The following TCERG1L variants were observed in gnomAD, a reference collection of about 807,000 sequenced individuals.
TCERG1L encodes transcription elongation regulator 1 like.
TCERG1L carries 37 observed loss-of-function variants against 56.3 expected under a neutral mutation model. The ratio of observed to expected loss-of-function variants is 0.66; its 90% CI spans 0.51 to 0.87. The LOEUF is 0.87. Among genes scored for constraint, TCERG1L ranks in the 40% least tolerant of loss-of-function variants. The pLI is 0.00. For synonymous variants in TCERG1L, 324 were observed against 326.3 expected (o/e 0.99, Z 0.08); for missense variants, 799 against 774.2 (o/e 1.03, Z -0.38).
At chr10:131,093,638 C>T (rs1216875502) in intron 11 of TCERG1L, among the ~76,000 whole-genome samples, 1 of 152,208 alleles carries the variant, frequency 6.6e-6, no homozygotes, top group Non-Finnish European at 1.5e-5. Flanking sequence ...CACAGCTTTG[C>T]TGGCCAGGTC....
chr10:131,188,523 A>G (rs1318436472), intron 4 of TCERG1L, among the ~76,000 whole-genome samples: 1 of 152,248 alleles, frequency 6.6e-6, no homozygotes, highest in Non-Finnish European at 1.5e-5. Flanking sequence ...AGTATAGCAG[A>G]AAGAAATCCT....
intron 4 of TCERG1L, among the ~76,000 whole-genome samples, chr10:131,203,188 T>C (rs10829946): frequency 0.61 from 91,780 of 151,474 alleles, 27,967 homozygotes; most frequent in Admixed American, 0.67. Flanking sequence ...TGCGTATACC[T>C]GTCTTCAGCC....
chr10:131,270,133 T>C (rs1846326000), intron 3 of TCERG1L, among the ~76,000 whole-genome samples: 1 of 152,156 alleles, frequency 6.6e-6, no homozygotes, highest in Admixed American at 6.5e-5. Context: ...CAGTCAGACA[T>C]TTATGAAGCC....
intron 6 of TCERG1L, among the ~76,000 whole-genome samples, chr10:131,147,066 A>G (rs933249847): frequency 6.6e-6 from 1 of 151,968 alleles, no homozygotes; most frequent in Admixed American, 6.6e-5. Flanking sequence ...GCGGCTCCCT[A>G]CACTTCCCCA....
At chr10:131,262,896 A>C (rs1205802642) in intron 3 of TCERG1L, among the ~76,000 whole-genome samples, 1 of 151,994 alleles carries the variant, frequency 6.6e-6, no homozygotes, top group Non-Finnish European at 1.5e-5. Flanking sequence ...CCTTTTCCAG[A>C]AGGCCATTCA....
At chr10:131,129,238 T>A (rs952803570) in intron 8 of TCERG1L, among the ~76,000 whole-genome samples, 9 of 152,242 alleles carry the variant, frequency 5.9e-5, no homozygotes, top group Non-Finnish European at 1.2e-4. Flanking sequence ...CAAGGAAATT[T>A]AAACCATGGC....
At chr10:131,287,314 TG>T in intron 3 of TCERG1L, among the ~76,000 whole-genome samples, 1 of 152,240 alleles carries the variant, frequency 6.6e-6, no homozygotes, top group East Asian at 1.9e-4. Context: ...ACAGTGATTC[TG>T]TATCCTATCT....
chr10:131,260,191 T>G lies in TCERG1L; in HGVS notation c.856+68A>C, dbSNP rs1347815048. 11 of 1,271,700 alleles carry G rather than the reference T, an allele frequency of 8.6e-6. No individual in the cohort carries two copies. The highest frequency in any genetic ancestry group is 1.1e-5 in the Non-Finnish European group (11 of 1,007,388). The allele number at this position is 1,271,700 out of a possible 1,614,324, so 78.8% of individuals were successfully genotyped here. A position where few individuals can be genotyped will look rare whatever the true frequency, so the allele number is the denominator to read the frequency against. On this transcript the variant is annotated intron_variant, in intron 4 of 11. Transcript: ENST00000368642. The surrounding 1 kb of genome is among the most constrained non-coding windows in gnomAD (Gnocchi z 5.8). ...AGCGCCTGGGCCCAGGCCAGGGGCATCTAACCAGGAAGCCTCCGCGCGCTC... is the reference window on the plus strand; with the variant it reads ...AGCGCCTGGGCCCAGGCCAGGGGCAGCTAACCAGGAAGCCTCCGCGCGCTC...
At chr10:131,155,081 G>C (rs1422434279) in intron 6 of TCERG1L, among the ~76,000 whole-genome samples, 1 of 152,156 alleles carries the variant, frequency 6.6e-6, no homozygotes, top group Admixed American at 6.5e-5. Context: ...GAGGTAAAAA[G>C]ACACGAGGAA....
intron 4 of TCERG1L, among the ~76,000 whole-genome samples, chr10:131,194,961 A>T (rs780198405): frequency 6.6e-6 from 1 of 152,188 alleles, no homozygotes; most frequent in East Asian, 1.9e-4. Flanking sequence ...GCTGATACAC[A>T]TGTGCCACTA....
At chr10:131,104,640 G>A (rs576509085) in intron 9 of TCERG1L, among the ~76,000 whole-genome samples, 11 of 152,154 alleles carry the variant, frequency 7.2e-5, no homozygotes, top group Admixed American at 1.3e-4. Context: ...CTGTGGAGGC[G>A]TGGCATTCTG....
At chr10:131,280,658 C>T (rs2944522) in intron 3 of TCERG1L, among the ~76,000 whole-genome samples, 87,390 of 151,910 alleles carry the variant, frequency 0.58, 25,425 homozygotes, top group East Asian at 0.77. Flanking sequence ...TTTCCTTTCA[C>T]GTTTCAATAT....
chr10:131,145,962 A>G (rs944351015), intron 7 of TCERG1L, among the ~76,000 whole-genome samples: 1 of 152,234 alleles, frequency 6.6e-6, no homozygotes, highest in Non-Finnish European at 1.5e-5. Context: ...GCGAAACAAG[A>G]TTTACAGGCA....
At chr10:131,230,416 T>C (rs548126734) in intron 4 of TCERG1L, among the ~76,000 whole-genome samples, 3 of 152,310 alleles carry the variant, frequency 2.0e-5, no homozygotes, top group Admixed American at 6.5e-5. Context: ...CCACCTCCAG[T>C]GTCCACCCCA....
Position 131,145,390 on chromosome 10 carries a change from C to T in TCERG1L, c.1189+1116G>A, listed in dbSNP as rs147928205. Among the ~76,000 whole-genome samples, 4 of 152,190 alleles carry T rather than the reference C, an allele frequency of 2.6e-5. No homozygotes were observed. The East Asian group carries it at 7.7e-4, about 29-fold the overall frequency. The stretch of plus-strand genomic sequence containing the variant: ...ATTCAATCTTCATTGTCTGTAAATA[C>T]AGCAACGTTTTACAGACTCAACTCC... On this transcript the variant is annotated intron_variant, in intron 7 of 11. Coordinates refer to ENST00000368642, the MANE Select transcript of TCERG1L (RefSeq NM_174937.4).
At chr10:131,138,904 G>A (rs928289269) in intron 7 of TCERG1L, among the ~76,000 whole-genome samples, 3 of 152,102 alleles carry the variant, frequency 2.0e-5, no homozygotes, top group African/African-American at 2.4e-5. Context: ...CAAAAAAATC[G>A]AAAGACCAGT....
chr10:131,245,377 A>G (rs1846020151), intron 4 of TCERG1L, among the ~76,000 whole-genome samples: 1 of 152,056 alleles, frequency 6.6e-6, no homozygotes, highest in Admixed American at 6.6e-5. Context: ...ATAACAGCCA[A>G]CATCATAGCT....
chr10:131,144,603 G>A (rs1845774913), intron 7 of TCERG1L, among the ~76,000 whole-genome samples: 1 of 152,170 alleles, frequency 6.6e-6, no homozygotes, highest in African/African-American at 2.4e-5. Context: ...AAGACTGGTT[G>A]AAAACAAATC....
chr10:131,307,308 A>G (rs1302200247), intron 3 of TCERG1L, among the ~76,000 whole-genome samples: 3 of 152,236 alleles, frequency 2.0e-5, no homozygotes, highest in Admixed American at 6.5e-5. Flanking sequence ...ACTTATTACT[A>G]AACAAGATTC....
Sources: gnomAD v4.1 joint callset for allele counts (sites outside exome capture counted in the v4.1 genomes callset) on GRCh38, gnomAD v4.1.1 for gene constraint, Gnocchi (gnomAD v3.1) non-coding constraint, MANE v1.5 for transcripts, NCBI Gene and HGNC (gene_info 2026-07-23, HGNC 2026-07-21) for gene names.